The following SOBP variants were observed in gnomAD, a reference collection of about 807,000 sequenced individuals.
SOBP encodes the protein sine oculis-binding protein homolog.
Under a neutral mutation model 53.6 loss-of-function variants are expected in SOBP, and 4 were observed. That is an observed-to-expected ratio of 0.07 (90% CI 0.04 to 0.17). The LOEUF is 0.17. SOBP is among the 10% of genes least tolerant of loss of function. The probability of loss-of-function intolerance (pLI) is 1.00; values close to 1 mark genes in which losing one functional copy is unlikely to be tolerated. For missense variants in SOBP, 1,088 were observed against 1,204.7 expected (o/e 0.90, Z 1.43); for synonymous variants, 584 against 522.6 (o/e 1.12, Z -1.60).
chr6:107,526,428 G>T (rs375434663), intron 3 of SOBP, among the ~76,000 whole-genome samples: 2 of 152,122 alleles, frequency 1.3e-5, no homozygotes. Flanking sequence ...ATGACTGCAG[G>T]ATTCTTGCCC....
chr6:107,577,957 C>A (rs1039075499), intron 4 of SOBP, among the ~76,000 whole-genome samples: 1 of 151,912 alleles, frequency 6.6e-6, no homozygotes, highest in Non-Finnish European at 1.5e-5. Context: ...GCCTATAGTC[C>A]CAGCTACTCG....
intron 6 of SOBP, among the ~76,000 whole-genome samples, chr6:107,646,271 T>G (rs1414240879): frequency 6.6e-6 from 1 of 152,212 alleles, no homozygotes; most frequent in African/African-American, 2.4e-5. Flanking sequence ...AAGAACTTTC[T>G]TTGTGCTAAG....
intron 5 of SOBP, among the ~76,000 whole-genome samples, chr6:107,594,889 G>C (rs1248157894): frequency 6.6e-6 from 1 of 152,246 alleles, no homozygotes; most frequent in African/African-American, 2.4e-5. Context: ...CAGGCACAGA[G>C]CTAGAGCTTG....
intron 4 of SOBP, among the ~76,000 whole-genome samples, chr6:107,575,207 G>A (rs1240470900): frequency 6.6e-6 from 1 of 152,216 alleles, no homozygotes; most frequent in Non-Finnish European, 1.5e-5. Context: ...GAGGTGGTGA[G>A]TAATAGGGAC....
intron 4 of SOBP, among the ~76,000 whole-genome samples, chr6:107,544,231 T>A (rs2115001605): frequency 6.6e-6 from 1 of 152,328 alleles, no homozygotes; most frequent in Admixed American, 6.5e-5. Flanking sequence ...TTCAGAAGAA[T>A]TGTGACACAG....
intron 4 of SOBP, among the ~76,000 whole-genome samples, chr6:107,554,365 A>G (rs1308286127): frequency 6.6e-6 from 1 of 152,180 alleles, no homozygotes; most frequent in African/African-American, 2.4e-5. Flanking sequence ...TGCATTACAG[A>G]GACTTGATGG....
intron 5 of SOBP, among the ~76,000 whole-genome samples, chr6:107,620,018 A>G (rs145516247): frequency 5.9e-5 from 9 of 152,334 alleles, no homozygotes; most frequent in Non-Finnish European, 1.0e-4. Flanking sequence ...TGGTCTTCCT[A>G]AAGTTATGGA....
At chr6:107,652,903 TG>T (rs1771867352) in intron 6 of SOBP, among the ~76,000 whole-genome samples, 2 of 152,164 alleles carry the variant, frequency 1.3e-5, no homozygotes, top group South Asian at 4.1e-4. Context: ...AAATGTAAAT[TG>T]TTTTTTAGAC....
intron 6 of SOBP, among the ~76,000 whole-genome samples, chr6:107,645,278 T>C (rs1195298490): frequency 6.6e-6 from 1 of 152,182 alleles, no homozygotes; most frequent in Non-Finnish European, 1.5e-5. Context: ...ACTTAATAAC[T>C]CCTCATCATA....
intron 6 of SOBP, among the ~76,000 whole-genome samples, chr6:107,645,474 A>G (rs1044569902): frequency 5.9e-5 from 9 of 151,404 alleles, no homozygotes; most frequent in Non-Finnish European, 1.2e-4. Flanking sequence ...AAAGTAGGGG[A>G]GGGTGTGTGG....
At chr6:107,572,263 T>C (rs1785094335) in intron 4 of SOBP, among the ~76,000 whole-genome samples, 1 of 151,604 alleles carries the variant, frequency 6.6e-6, no homozygotes, top group African/African-American at 2.4e-5. Flanking sequence ...AGAAAAGCCC[T>C]AGCCTTTTGA....
chr6:107,551,274 T>C (rs1350334245), intron 4 of SOBP, among the ~76,000 whole-genome samples: 1 of 152,174 alleles, frequency 6.6e-6, no homozygotes, highest in African/African-American at 2.4e-5. Flanking sequence ...TGAAGAGCAA[T>C]AGAAACTGGT....
chr6:107,493,907 G>A (rs142468910), intron 1 of SOBP, among the ~76,000 whole-genome samples: 42 of 152,200 alleles, frequency 2.8e-4, no homozygotes, highest in African/African-American at 8.7e-4. Flanking sequence ...TTACATTTTC[G>A]TTATCACTGG....
At chr6:107,535,880 GC>G (rs1359343653) in intron 4 of SOBP, among the ~76,000 whole-genome samples, 1 of 152,076 alleles carries the variant, frequency 6.6e-6, no homozygotes, top group East Asian at 1.9e-4. Flanking sequence ...CTTGTAATAA[GC>G]CCCTGGGTGT....
intron 4 of SOBP, among the ~76,000 whole-genome samples, chr6:107,569,409 T>C (rs1785006790): frequency 6.6e-6 from 1 of 152,198 alleles, no homozygotes; most frequent in Admixed American, 6.5e-5. Context: ...GCATAGTGCA[T>C]GTGGAAGGGA....
chr6:107,509,437 A>C (rs1783099276), intron 3 of SOBP, among the ~76,000 whole-genome samples: 1 of 151,744 alleles, frequency 6.6e-6, no homozygotes, highest in African/African-American at 2.4e-5. Flanking sequence ...ATGTGTGTAA[A>C]GCCCTTAGCA....
intron 4 of SOBP, among the ~76,000 whole-genome samples, chr6:107,560,791 T>G (rs909924931): frequency 2.0e-5 from 3 of 151,588 alleles, no homozygotes; most frequent in Non-Finnish European, 4.4e-5. Flanking sequence ...ACTGTGGAGG[T>G]GGGTATACAT....
rs575942445 is a variant in SOBP at position 107,577,855 on chromosome 6, C to T, written c.574-9225C>T. On this transcript the variant is annotated intron_variant, in intron 4 of 6. Transcript: ENST00000317357. ...TTGGGAGGCCGAGGCAGGTGGATCA[C>T]GAAGTCAGGAGATCAAGACCATCCT... Among the ~76,000 whole-genome samples the T allele has an allele frequency of 3.3e-5, 5 of 152,108 alleles. No homozygotes were observed. The South Asian group carries it at 6.2e-4, about 19-fold the overall frequency.
chr6:107,603,695 A>G (rs1323036684), intron 5 of SOBP, among the ~76,000 whole-genome samples: 1 of 152,132 alleles, frequency 6.6e-6, no homozygotes, highest in Non-Finnish European at 1.5e-5. Flanking sequence ...TAGCATATCC[A>G]TGGCAGGCCC....
Sources: gnomAD v4.1 joint callset for allele counts (sites outside exome capture counted in the v4.1 genomes callset) on GRCh38, gnomAD v4.1.1 for gene constraint, MANE v1.5 for transcripts, NCBI Gene and HGNC (gene_info 2026-07-23, HGNC 2026-07-21) for gene names.